B4GALT2: variants seen among roughly 807,000 people sequenced by gnomAD.
The protein encoded by B4GALT2 is beta-1,4-galactosyltransferase 2.
Under a neutral mutation model 33.2 loss-of-function variants are expected in B4GALT2, and 18 were observed. That is an observed-to-expected ratio of 0.54 (90% CI 0.38 to 0.80). The LOEUF (loss-of-function observed/expected upper bound fraction) is 0.80. B4GALT2 is among the 30% of genes least tolerant of loss of function. The pLI, the probability that B4GALT2 is intolerant of heterozygous loss-of-function variation, is 0.00. For missense variants in B4GALT2, 404 were observed against 526.2 expected (o/e 0.77, Z 2.27); for synonymous variants, 214 against 217.6 (o/e 0.98, Z 0.15).
At chr1:43,988,330 G>C (rs985805258) in intron 6 of B4GALT2, among the ~76,000 whole-genome samples, 2 of 141,826 alleles carry the variant, frequency 1.4e-5, no homozygotes, top group African/African-American at 5.4e-5. Flanking sequence ...GGCCGACATA[G>C]TGAAACCTTG....
chr1:43,980,897 G>A (rs544690302), intron 1 of B4GALT2, among the ~76,000 whole-genome samples: 2 of 152,252 alleles, frequency 1.3e-5, no homozygotes, highest in East Asian at 1.9e-4. Flanking sequence ...TTAGTAGTGG[G>A]GTGTGCTTGA....
intron 6 of B4GALT2, among the ~76,000 whole-genome samples, chr1:43,986,594 T>G (rs2085661545): frequency 6.6e-6 from 1 of 152,196 alleles, no homozygotes; most frequent in Non-Finnish European, 1.5e-5. Context: ...TTAAGATCTC[T>G]GAAGGCTGAT....
Position 43,990,371 on chromosome 1 carries a change from G to A in B4GALT2, c.1042G>A (p.Glu348Lys). The A allele has an allele frequency of 1.2e-6, 2 of 1,614,188 alleles. No individual in the cohort carries two copies. The highest frequency in any genetic ancestry group is 1.7e-6 in the Non-Finnish European group (2 of 1,180,028). ...TGGGTCAGTGCGGTACCAGGTCTTGGAGGTGTCTCGGCAACCACTCTTCAC... is the reference window on the plus strand; with the variant it reads ...TGGGTCAGTGCGGTACCAGGTCTTGAAGGTGTCTCGGCAACCACTCTTCAC... ...GIGSVRYQVL[E>K]VSRQPLFTNI... Residue 348 changes from glutamate to lysine, a missense_variant, in exon 7 of 7, where the codon GAG (glutamate) becomes AAG (lysine). By Grantham distance (56) the Glu-to-Lys change is moderately conservative. Coordinates refer to ENST00000372324, the MANE Select transcript of B4GALT2 (RefSeq NM_003780.5).
rs1260651113 is a variant in B4GALT2 at position 43,982,338 on chromosome 1, G to A, written c.549+414G>A. On this transcript the variant is annotated intron_variant, in intron 3 of 6. Coordinates refer to ENST00000372324, the MANE Select transcript of B4GALT2 (RefSeq NM_003780.5). This position sits in a 1 kb window ranked among gnomAD's most constrained non-coding sequence, Gnocchi z 4.3. Reference sequence around the variant, plus strand: ...GCATCTTAAGGCCTTTGGTGGACCTGGCTAGGGCTGGCCACTAGGTCCCAG... The same window carrying A: ...GCATCTTAAGGCCTTTGGTGGACCTAGCTAGGGCTGGCCACTAGGTCCCAG... Among the ~76,000 whole-genome samples the A allele has an allele frequency of 1.3e-5, 2 of 152,142 alleles. No homozygotes were observed. Among genetic ancestry groups the A allele is most frequent in the African/African-American group, 2.4e-5 (1 of 41,438 alleles).
chr1:43,987,964 C>T (rs923049727), intron 6 of B4GALT2, among the ~76,000 whole-genome samples: 2 of 152,122 alleles, frequency 1.3e-5, no homozygotes, highest in East Asian at 1.9e-4. Context: ...CTTAGCACTC[C>T]GATGTTTTCT....
intron 6 of B4GALT2, among the ~76,000 whole-genome samples, 186 bp from the exon 7 acceptor site, chr1:43,990,112 A>C (rs1009248233): frequency 5.3e-5 from 8 of 152,212 alleles, no homozygotes; most frequent in African/African-American, 1.9e-4. Context: ...TCTAAGCTGC[A>C]AAAGGGCGTG....
In B4GALT2 at chr1:43,990,609, C is replaced by A; in HGVS notation, c.*161C>A. Reference sequence around the variant, plus strand: ...CTAGCTACACCTGGAAGTTTCAGAACCCACTTTGGGGGGCCTCCTGCCTGG... The same window carrying A: ...CTAGCTACACCTGGAAGTTTCAGAAACCACTTTGGGGGGCCTCCTGCCTGG... On this transcript the variant is annotated 3_prime_UTR_variant, in exon 7 of 7. Transcript: ENST00000372324. 2 of 1,077,980 alleles carry A rather than the reference C, an allele frequency of 1.9e-6. No homozygotes were observed. Among genetic ancestry groups the A allele is most frequent in the South Asian group, 1.6e-5 (1 of 64,126 alleles). 66.8% of individuals were successfully genotyped at this position (1,077,980 alleles called of 1,614,324 possible). A position where few individuals can be genotyped will look rare whatever the true frequency, so the allele number is the denominator to read the frequency against.
At chr1:43,986,385 T>C (rs1427563434) in intron 6 of B4GALT2, among the ~76,000 whole-genome samples, 1 of 152,200 alleles carries the variant, frequency 6.6e-6, no homozygotes, top group Non-Finnish European at 1.5e-5. Flanking sequence ...GATGGAAGCC[T>C]TCCTGGAGGA....
chr1:43,980,171 C>A, intron 1 of B4GALT2: 1 of 1,059,044 alleles, frequency 9.4e-7, no homozygotes, highest in Non-Finnish European at 1.3e-6. Flanking sequence ...GCCTGTGAGA[C>A]TCACCCTGCT....
At position 43,990,501 on chromosome 1, in the gene B4GALT2, C is replaced by T. The variant is rs936017478; in HGVS notation, c.*53C>T. On this transcript the variant is annotated 3_prime_UTR_variant, in exon 7 of 7. Coordinates refer to ENST00000372324, the MANE Select transcript of B4GALT2 (RefSeq NM_003780.5). ...GAAGATTGCCTGCCAGAGGACTGAC[C>T]ACAGCCTGGCTGGCAGCTGCTCTGT... 7.1e-5 allele frequency: 114 copies of T among 1,605,780 alleles called. No homozygotes were observed. Among genetic ancestry groups the T allele is most frequent in the Admixed American group, 2.0e-4 (12 of 59,914 alleles).
At chr1:43,990,084 T>G (rs1433111991) in intron 6 of B4GALT2, among the ~76,000 whole-genome samples, 1 of 152,234 alleles carries the variant, frequency 6.6e-6, no homozygotes, top group Non-Finnish European at 1.5e-5. Flanking sequence ...TTGACGTTAA[T>G]GCTGGTCATT....
Position 43,981,789 on chromosome 1 carries a change from C to A in B4GALT2, c.414C>A (p.Asp138Glu), listed in dbSNP as rs531727441. 1 of 1,613,796 alleles carries A rather than the reference C, an allele frequency of 6.2e-7. No homozygotes were observed. The highest frequency in any genetic ancestry group is 2.2e-5 in the East Asian group (1 of 44,880). ...TGGGCGGCCGATACACACCGCCCGA[C>A]TGCACCCCAGCCCAGACGGTGGCGG... is the stretch of plus-strand genomic sequence containing the variant. ...VLMGGRYTPP[D>E]CTPAQTVAVI... The change falls in exon 3 of 7, where the codon GAC becomes GAA. Residue 138 changes from aspartate to glutamate, a missense_variant. Coordinates refer to ENST00000372324, the MANE Select transcript of B4GALT2 (RefSeq NM_003780.5). The surrounding 1 kb of genome is among the most constrained non-coding windows in gnomAD (Gnocchi z 8.1).
intron 6 of B4GALT2, among the ~76,000 whole-genome samples, chr1:43,989,075 G>A (rs1250285021): frequency 2.0e-5 from 3 of 152,116 alleles, no homozygotes; most frequent in Non-Finnish European, 2.9e-5. Flanking sequence ...AGCTGGATGA[G>A]GTGGCTCATG....
intron 5 of B4GALT2, 36 bp downstream of exon 5, chr1:43,985,436 GGGGGGGA>G (rs752111961): frequency 1.0e-5 from 8 of 773,568 alleles, no homozygotes; most frequent in Non-Finnish European, 1.6e-5. Flanking sequence ...GGCTGGGTGG[GGGGGGGA>G]GGGGGGGTGC....
At position 43,981,260 on chromosome 1, in the gene B4GALT2, G is replaced by A. The variant is rs139961353; in HGVS notation, c.100G>A (p.Val34Ile). The A allele has an allele frequency of 4.1e-5, 66 of 1,606,654 alleles. No homozygotes were observed. Among genetic ancestry groups the A allele is most frequent in the African/African-American group, 5.3e-5 (4 of 74,912 alleles). Residue 34 changes from valine (V) to isoleucine (I), a missense_variant, in exon 2 of 7, where the codon GTC (valine) becomes ATC (isoleucine). By Grantham distance (29) the Val-to-Ile change is conservative (BLOSUM62 3). Coordinates refer to ENST00000372324, the MANE Select transcript of B4GALT2 (RefSeq NM_003780.5). This position sits in a 1 kb window ranked among gnomAD's most constrained non-coding sequence, Gnocchi z 8.1. ...CGTGGCCGTCATCCTCTACTTTGACGTCTACGCCCAGCACCTGGCCTTCTT... is the reference window on the plus strand; with the variant it reads ...CGTGGCCGTCATCCTCTACTTTGACATCTACGCCCAGCACCTGGCCTTCTT... ...FLVAVILYFDVYAQHLAFFSR... is the reference protein window; with the variant it reads ...FLVAVILYFDIYAQHLAFFSR...
At position 43,982,399 on chromosome 1, in the gene B4GALT2, G is replaced by C. The variant is rs768467676; in HGVS notation, c.549+475G>C. On this transcript the variant is annotated intron_variant, in intron 3 of 6. Transcript: ENST00000372324. The surrounding 1 kb of genome is among the most constrained non-coding windows in gnomAD (Gnocchi z 4.3). ...TGATGCAGGCCCCCCCGCCCCCGCC[G>C]ACCACAGAGACCTCCTAGACTTGGA... 6.6e-6 allele frequency among the ~76,000 whole-genome samples: 1 copy of C among 152,132 alleles called. No individual in the cohort carries two copies. The highest frequency in any genetic ancestry group is 1.5e-5 in the Non-Finnish European group (1 of 68,010).
rs779704110 is a variant in B4GALT2, at chr1:43,985,589, C to T, written c.936C>T (p.Asp312=). 3.7e-6 allele frequency: 6 copies of T among 1,613,890 alleles called. No individual in the cohort carries two copies. The highest frequency in any genetic ancestry group is 4.2e-6 in the Non-Finnish European group (5 of 1,180,020). ...RIGRYRMIKH[D]RDKHNEPNPQ... ...GCCGCTACCGCATGATCAAGCACGA[C>T]CGCGACAAGCATAACGAACCTAACC... is the stretch of plus-strand genomic sequence containing the variant. Residue 312 remains aspartate, a synonymous_variant, in exon 6 of 7, where the codon GAC becomes GAT. Coordinates refer to ENST00000372324, the MANE Select transcript of B4GALT2 (RefSeq NM_003780.5).
Position 43,984,977 on chromosome 1 carries a change from C to A in B4GALT2, c.662C>A (p.Pro221His). 6.2e-7 allele frequency: 1 copy of A among 1,613,964 alleles called. No homozygotes were observed. The highest frequency in any genetic ancestry group is 8.5e-7 in the Non-Finnish European group (1 of 1,180,016). Residue 221 changes from proline to histidine, a missense_variant, in exon 4 of 7, where the codon CCC becomes CAC. Physicochemically the swap from Pro to His is moderately conservative, Grantham distance 77. Coordinates refer to ENST00000372324, the MANE Select transcript of B4GALT2 (RefSeq NM_003780.5). This position sits in a 1 kb window ranked among gnomAD's most constrained non-coding sequence, Gnocchi z 5.6. ...ATCTTCAGCGATGTGGACCTGGTCC[C>A]CATGGATGACCGCAACCTATACCGC... ...CFIFSDVDLV[P>H]MDDRNLYRCG...
At chr1:43,980,163 C>G (rs910644117) in intron 1 of B4GALT2, 10 of 1,139,904 alleles carry the variant, frequency 8.8e-6, no homozygotes, top group Non-Finnish European at 1.1e-5. Flanking sequence ...TTCTGTGTGC[C>G]TGTGAGACTC....
Sources: gnomAD v4.1 joint callset for allele counts (sites outside exome capture counted in the v4.1 genomes callset) on GRCh38, gnomAD v4.1.1 for gene constraint, Gnocchi (gnomAD v3.1) non-coding constraint, MANE v1.5 for transcripts, NCBI Gene and HGNC (gene_info 2026-07-23, HGNC 2026-07-21) for gene names.